The following PCSK2 variants were observed in gnomAD, a reference collection of about 807,000 sequenced individuals.
PCSK2 encodes neuroendocrine convertase 2.
PCSK2 carries 14 observed loss-of-function variants against 69.7 expected under a neutral mutation model. The ratio of observed to expected loss-of-function variants is 0.20; its 90% CI spans 0.13 to 0.31. The LOEUF (loss-of-function observed/expected upper bound fraction) is 0.31, where lower values mean the gene tolerates loss of function less well. Among genes scored for constraint, PCSK2 ranks in the 10% least tolerant of loss-of-function variants. The pLI is 1.00. For synonymous variants in PCSK2, 307 were observed against 320.7 expected (o/e 0.96, Z 0.46); for missense variants, 544 against 842.5 (o/e 0.65, Z 4.39).
chr20:17,301,648 T>C (rs1989087415), intron 2 of PCSK2, among the ~76,000 whole-genome samples: 2 of 152,250 alleles, frequency 1.3e-5, no homozygotes, highest in Non-Finnish European at 2.9e-5. Flanking sequence ...ATACATATAT[T>C]ATGACCAGGC....
chr20:17,264,452 A>G (rs548582496), intron 2 of PCSK2, among the ~76,000 whole-genome samples: 31 of 152,274 alleles, frequency 2.0e-4, no homozygotes, highest in Non-Finnish European at 3.5e-4. Context: ...TTTGTGTTCT[A>G]TATTTAGAAG....
chr20:17,350,514 C>G (rs2029947479), intron 2 of PCSK2, among the ~76,000 whole-genome samples: 1 of 151,918 alleles, frequency 6.6e-6, no homozygotes, highest in Non-Finnish European at 1.5e-5. Flanking sequence ...ATCAGCCCAG[C>G]AGGGAAGTGA....
chr20:17,437,795 G>A (rs1405219945), intron 8 of PCSK2, among the ~76,000 whole-genome samples: 7 of 152,222 alleles, frequency 4.6e-5, no homozygotes, highest in Non-Finnish European at 8.8e-5. Context: ...GCACACTGGG[G>A]ATGGCTCATC....
At position 17,455,851 on chromosome 20, in the gene PCSK2, C is replaced by T. The variant is rs117484770; in HGVS notation, c.1102-497C>T. 3.2e-4 allele frequency among the ~76,000 whole-genome samples: 49 copies of T among 152,334 alleles called. No homozygotes were observed. The East Asian group carries it at 9.4e-3, about 29-fold the overall frequency. ...TATATATCCCCTTTTACGTGGGCTACTAGGAAGCTCAGATAAAATCTAGGG... is the reference window on the plus strand; with the variant it reads ...TATATATCCCCTTTTACGTGGGCTATTAGGAAGCTCAGATAAAATCTAGGG... On this transcript the variant is annotated intron_variant, in intron 9 of 11. Transcript: ENST00000262545.
intron 11 of PCSK2, among the ~76,000 whole-genome samples, chr20:17,475,242 C>A (rs1348377329): frequency 6.6e-6 from 1 of 151,550 alleles, no homozygotes; most frequent in African/African-American, 2.4e-5. Context: ...AGCCAGGTTT[C>A]CATAGCTCCT....
intron 2 of PCSK2, among the ~76,000 whole-genome samples, chr20:17,289,147 T>G (rs1306237445): frequency 6.6e-6 from 1 of 152,180 alleles, no homozygotes; most frequent in Non-Finnish European, 1.5e-5. Flanking sequence ...TGGATATAAA[T>G]CAATGCAGTG....
At chr20:17,324,589 T>TGCAGACCCA (rs1989983911) in intron 2 of PCSK2, among the ~76,000 whole-genome samples, 1 of 152,096 alleles carries the variant, frequency 6.6e-6, no homozygotes, top group African/African-American at 2.4e-5. Flanking sequence ...CTAGCCCACC[T>TGCAGACCCA]TGGTCCTGAT....
In PCSK2 at chr20:17,357,260, C is replaced by G. The variant is rs1444386767; in HGVS notation, c.283-1067C>G. Among the ~76,000 whole-genome samples, 5 of 152,302 alleles carry G rather than the reference C, an allele frequency of 3.3e-5. No homozygotes were observed. In the East Asian group the frequency reaches 9.7e-4, roughly 29 times the overall value. On this transcript the variant is annotated intron_variant, in intron 2 of 11. Coordinates refer to ENST00000262545, the MANE Select transcript of PCSK2 (RefSeq NM_002594.5). ...AGAGCTTGGGGTTCTTTCTGGCTGT[C>G]CAAAATTGAAATGTTGTCAGTGCAA...
At chr20:17,290,962 T>C (rs1988675862) in intron 2 of PCSK2, among the ~76,000 whole-genome samples, 1 of 152,076 alleles carries the variant, frequency 6.6e-6, no homozygotes, top group Admixed American at 6.5e-5. Context: ...CCCTCAATAA[T>C]GGCATTTATC....
At chr20:17,419,204 A>C (rs2032068888) in intron 6 of PCSK2, among the ~76,000 whole-genome samples, 1 of 152,178 alleles carries the variant, frequency 6.6e-6, no homozygotes, top group Non-Finnish European at 1.5e-5. Flanking sequence ...AACTTCATAC[A>C]TATGCAGAAC....
Position 17,449,955 on chromosome 20 carries a change from G to T in PCSK2, c.886-3787G>T, listed in dbSNP as rs6044828. Among the ~76,000 whole-genome samples the T allele has an allele frequency of 9.3e-3, 1,342 of 144,902 alleles. 7 individuals are homozygous for T. The highest frequency in any genetic ancestry group is 0.016 in the South Asian group (71 of 4,548). On this transcript the variant is annotated intron_variant, in intron 8 of 11. Transcript: ENST00000262545. ...CCCTCCTTCCATAGAGTTCAGAGAG[G>T]TTCAAAGCCTTATTTAGCACTTCCT...
chr20:17,226,701 T>C (rs1000308271), upstream of PCSK2, among the ~76,000 whole-genome samples: 14 of 151,890 alleles, frequency 9.2e-5, no homozygotes, highest in Admixed American at 7.9e-4. Flanking sequence ...CCGCCGCCGC[T>C]GGCCTGATTA....
chr20:17,298,155 A>T (rs1988958926), intron 2 of PCSK2, among the ~76,000 whole-genome samples: 1 of 152,182 alleles, frequency 6.6e-6, no homozygotes. Flanking sequence ...TCAACTATCA[A>T]ACAATATTTA....
chr20:17,402,414 C>T (rs1264852118), intron 5 of PCSK2, among the ~76,000 whole-genome samples: 1 of 152,166 alleles, frequency 6.6e-6, no homozygotes, highest in Non-Finnish European at 1.5e-5. Context: ...GCCTGTAATC[C>T]CAGCACTTTG....
intron 2 of PCSK2, among the ~76,000 whole-genome samples, chr20:17,321,112 C>T (rs192534143): frequency 1.3e-5 from 2 of 152,188 alleles, no homozygotes; most frequent in Non-Finnish European, 2.9e-5. Flanking sequence ...TTGTTTTCAA[C>T]ATTATTCACC....
chr20:17,479,582 A>G (rs532726852), intron 11 of PCSK2, among the ~76,000 whole-genome samples: 2 of 152,176 alleles, frequency 1.3e-5, no homozygotes, highest in African/African-American at 4.8e-5. Context: ...GGCGGATCAC[A>G]AGGTCAGGAG....
chr20:17,311,967 G>C (rs879616693), intron 2 of PCSK2, among the ~76,000 whole-genome samples: 2 of 152,098 alleles, frequency 1.3e-5, no homozygotes, highest in African/African-American at 4.8e-5. Context: ...CCCATGTCAG[G>C]CCTAACTGAA....
intron 2 of PCSK2, among the ~76,000 whole-genome samples, chr20:17,279,813 G>A (rs1485240194): frequency 6.6e-6 from 1 of 151,514 alleles, no homozygotes; most frequent in African/African-American, 2.4e-5. Context: ...AAAAGTGTGT[G>A]GCCCATCCAC....
chr20:17,442,393 TCTG>T (rs1458866826), intron 8 of PCSK2, among the ~76,000 whole-genome samples: 1 of 152,000 alleles, frequency 6.6e-6, no homozygotes, highest in Non-Finnish European at 1.5e-5. Context: ...TTGTGGTCCT[TCTG>T]TAGCAGCCCT....
Sources: allele counts gnomAD v4.1 joint callset (sites outside exome capture counted in the v4.1 genomes callset), GRCh38; gene constraint gnomAD v4.1.1; transcripts MANE v1.5; gene names NCBI Gene and HGNC (gene_info 2026-07-23, HGNC 2026-07-21).